Variants in FRMD4B observed in about 807,000 individuals in gnomAD.
The protein encoded by FRMD4B is FERM domain containing 4B.
FRMD4B carries 74 observed loss-of-function variants against 141.5 expected under a neutral mutation model. The observed-to-expected ratio is 0.52, with a 90% confidence interval of 0.43 to 0.63. The LOEUF (loss-of-function observed/expected upper bound fraction) is 0.63. Ranked by LOEUF, FRMD4B falls within the 30% of genes least tolerant of loss-of-function variation. FRMD4B has a pLI of 0.00. For missense variants in FRMD4B, 1,366 were observed against 1,253.4 expected, an observed-to-expected ratio of 1.09 and a Z score of -1.36; for synonymous variants, 506 against 467.9, an observed-to-expected ratio of 1.08 and a Z score of -1.05.
chr3:69,182,161 A>T (rs1348178609), intron 20 of FRMD4B, among the ~76,000 whole-genome samples: 3 of 152,214 alleles, frequency 2.0e-5, no homozygotes, highest in African/African-American at 7.2e-5. Context: ...GTATGAGCTC[A>T]GGCCAGATAT....
chr3:69,361,764 G>A (rs1248554774), intron 1 of FRMD4B, among the ~76,000 whole-genome samples: 40 of 152,150 alleles, frequency 2.6e-4, no homozygotes. Context: ...ATGGAAATCA[G>A]TTGTTCTCAG....
At chr3:69,279,654 A>ATCC (rs1325504320) in intron 5 of FRMD4B, among the ~76,000 whole-genome samples, 1 of 134,914 alleles carries the variant, frequency 7.4e-6, no homozygotes, top group African/African-American at 2.7e-5. Flanking sequence ...TTGAGTTGCT[A>ATCC]TCCTCCTCCT....
intron 1 of FRMD4B, among the ~76,000 whole-genome samples, chr3:69,338,864 C>A (rs931495479): frequency 2.0e-5 from 3 of 152,156 alleles, no homozygotes; most frequent in South Asian, 2.1e-4. Context: ...AACAAAAAAA[C>A]CCCAATAAAA....
intron 1 of FRMD4B, among the ~76,000 whole-genome samples, chr3:69,316,114 C>T (rs41510248): frequency 0.024 from 3,586 of 152,286 alleles, 80 homozygotes; most frequent in Non-Finnish European, 0.031. Flanking sequence ...TGATCGAACT[C>T]TGCTTTAAGA....
chr3:69,294,624 T>C (rs1018827489), intron 4 of FRMD4B, among the ~76,000 whole-genome samples: 2 of 152,154 alleles, frequency 1.3e-5, no homozygotes, highest in South Asian at 4.1e-4. Context: ...CTTGCTCCTT[T>C]CCCACAGCAT....
At chr3:69,173,832 A>G (rs533450975) in intron 22 of FRMD4B, among the ~76,000 whole-genome samples, 1 of 152,236 alleles carries the variant, frequency 6.6e-6, no homozygotes. Flanking sequence ...TATTTTGGAC[A>G]AAGATGTTAA....
chr3:69,451,563 C>T (rs993582093), intron 1 of FRMD4B, among the ~76,000 whole-genome samples: 2 of 152,156 alleles, frequency 1.3e-5, no homozygotes, highest in African/African-American at 4.8e-5. Flanking sequence ...AATGAGGTAT[C>T]ATGGCTTATC....
intron 11 of FRMD4B, 41 bp from the exon 12 acceptor site, chr3:69,198,815 A>AT (rs1450014495): frequency 2.2e-6 from 2 of 914,032 alleles, no homozygotes; most frequent in Admixed American, 2.1e-5. Context: ...ATTTATGCTT[A>AT]TTTTTACTAA....
chr3:69,256,270 T>C (rs75772091), intron 5 of FRMD4B, among the ~76,000 whole-genome samples: 1 of 151,984 alleles, frequency 6.6e-6, no homozygotes, highest in South Asian at 2.1e-4. Flanking sequence ...CTCCTGAGGA[T>C]AGATCTACAT....
chr3:69,345,478 G>A (rs945148736), intron 1 of FRMD4B, among the ~76,000 whole-genome samples: 1 of 152,322 alleles, frequency 6.6e-6, no homozygotes, highest in Admixed American at 6.5e-5. Context: ...TGACAGCTTT[G>A]AAGAGAGTAG....
chr3:69,339,454 T>C (rs985859868), intron 1 of FRMD4B, among the ~76,000 whole-genome samples: 10 of 152,140 alleles, frequency 6.6e-5, no homozygotes, highest in African/African-American at 1.9e-4. Flanking sequence ...ATAATGACAG[T>C]ATCTGCCCCA....
intron 5 of FRMD4B, among the ~76,000 whole-genome samples, chr3:69,283,574 T>C (rs2093654178): frequency 1.3e-5 from 2 of 152,186 alleles, no homozygotes; most frequent in South Asian, 4.1e-4. Context: ...CGTCATGAGT[T>C]GAAAATCTTC....
At chr3:69,323,384 T>C (rs1183859187) in intron 1 of FRMD4B, among the ~76,000 whole-genome samples, 2 of 151,794 alleles carry the variant, frequency 1.3e-5, no homozygotes, top group Non-Finnish European at 2.9e-5. Flanking sequence ...CTGGCCAATA[T>C]GGTGAAACCC....
At chr3:69,536,833 A>C (rs1575604404) in intron 1 of FRMD4B, 2 of 361,398 alleles carry the variant, frequency 5.5e-6, no homozygotes, top group East Asian at 7.3e-5. Flanking sequence ...TGCAGCCTCA[A>C]CCTCCTGGGC....
At chr3:69,395,969 C>A (rs1704467237) in intron 2 of FRMD4B, among the ~76,000 whole-genome samples, 1 of 152,164 alleles carries the variant, frequency 6.6e-6, no homozygotes, top group Non-Finnish European at 1.5e-5. Context: ...GACTTCCTCA[C>A]CCTAAAACAG....
intron 18 of FRMD4B, among the ~76,000 whole-genome samples, chr3:69,188,386 T>C (rs2092793568): frequency 6.6e-6 from 1 of 152,210 alleles, no homozygotes; most frequent in Non-Finnish European, 1.5e-5. Context: ...TGTTATGTTT[T>C]CCACTGATAT....
intron 1 of FRMD4B, among the ~76,000 whole-genome samples, chr3:69,529,036 A>G (rs1046554243): frequency 2.0e-5 from 3 of 152,064 alleles, no homozygotes; most frequent in African/African-American, 4.8e-5. Flanking sequence ...AGACAAACCA[A>G]TGCAGGTGCT....
intron 2 of FRMD4B, among the ~76,000 whole-genome samples, chr3:69,419,574 A>G (rs1344418378): frequency 6.6e-6 from 1 of 152,206 alleles, no homozygotes; most frequent in Non-Finnish European, 1.5e-5. Flanking sequence ...AAAAAGGGGC[A>G]GGAGAGCAAA....
chr3:69,191,161 G>A (rs2092831563), intron 17 of FRMD4B, among the ~76,000 whole-genome samples: 1 of 152,174 alleles, frequency 6.6e-6, no homozygotes, highest in African/African-American at 2.4e-5. Flanking sequence ...CCTCACCCCT[G>A]TAATCTCAGC....
Sources: gnomAD v4.1 joint callset for allele counts (sites outside exome capture counted in the v4.1 genomes callset) on GRCh38, gnomAD v4.1.1 for gene constraint, MANE v1.5 for transcripts, NCBI Gene and HGNC (gene_info 2026-07-23, HGNC 2026-07-21) for gene names.